KCTD1: variants seen among roughly 807,000 people sequenced by gnomAD.
The protein encoded by KCTD1 is potassium channel tetramerization domain containing 1, also known as BTB/POZ domain-containing protein KCTD1.
A neutral mutation model predicts 66.0 loss-of-function variants in KCTD1; 24 were observed. The ratio of observed to expected loss-of-function variants is 0.36; its 90% CI spans 0.26 to 0.51. The LOEUF (loss-of-function observed/expected upper bound fraction) is 0.51. Ranked by LOEUF, KCTD1 falls within the 20% of genes least tolerant of loss-of-function variation. KCTD1 has a pLI of 0.95. For missense variants in KCTD1, 943 were observed against 1,205.2 expected, an observed-to-expected ratio of 0.78 and a Z score of 3.22; for synonymous variants, 511 against 517.2, an observed-to-expected ratio of 0.99 and a Z score of 0.16.
upstream of KCTD1, among the ~76,000 whole-genome samples, chr18:26,551,519 C>G (rs1985566251): frequency 6.6e-6 from 1 of 152,008 alleles, no homozygotes; most frequent in African/African-American, 2.4e-5. Flanking sequence ...GAAAGGCTAC[C>G]AAAATGATCT....
intron 1 of KCTD1, among the ~76,000 whole-genome samples, chr18:26,527,233 T>C (rs1388468806): frequency 6.6e-6 from 1 of 152,266 alleles, no homozygotes; most frequent in East Asian, 1.9e-4. Context: ...AAAAAGCTTC[T>C]GCTGAAATGG....
intron 1 of KCTD1, among the ~76,000 whole-genome samples, chr18:26,542,265 T>C (rs1021409111): frequency 6.6e-6 from 1 of 152,196 alleles, no homozygotes; most frequent in African/African-American, 2.4e-5. Context: ...CCATATCCCC[T>C]TTTTTTGAAC....
upstream of KCTD1, chr18:26,548,790 T>G: frequency 7.3e-6 from 8 of 1,093,258 alleles, no homozygotes; most frequent in East Asian, 5.7e-5. Flanking sequence ...CCAGACCTTC[T>G]TCCTCCCCCA....
In KCTD1 at chr18:26,599,598, C is replaced by T. The variant is rs896174166; in HGVS notation, c.-16+29549G>A. The stretch of plus-strand genomic sequence containing the variant: ...GAATCCAGCTTTGACATTATTTTGT[C>T]GGGTTTAGTCCCGGGAAGCACCACT... On this transcript the variant is annotated intron_variant, in intron 1 of 4. Coordinates refer to the KCTD1 transcript ENST00000317932. The T allele has an allele frequency of 6.7e-5, 100 of 1,495,576 alleles. No homozygotes were observed. In the African/African-American group the frequency reaches 9.8e-4, roughly 15 times the overall value. The allele number at this position is 1,495,576 out of a possible 1,614,324, so 92.6% of individuals were successfully genotyped here.
intron 1 of KCTD1, among the ~76,000 whole-genome samples, chr18:26,623,206 C>T (rs1987427362): frequency 6.6e-6 from 1 of 152,192 alleles, no homozygotes; most frequent in South Asian, 2.1e-4. Context: ...CAAACTGCTG[C>T]CAACTGATGT....
At chr18:26,600,495 G>C (rs1051914244) in intron 1 of KCTD1, among the ~76,000 whole-genome samples, 2 of 152,074 alleles carry the variant, frequency 1.3e-5, no homozygotes, top group South Asian at 2.1e-4. Flanking sequence ...CTGGCTGGGG[G>C]GGGTGCAGTG....
chr18:26,569,571 C>G (rs1316801480), intron 1 of KCTD1, among the ~76,000 whole-genome samples: 3 of 151,506 alleles, frequency 2.0e-5, no homozygotes, highest in Non-Finnish European at 4.4e-5. Flanking sequence ...ACAAATCAGG[C>G]AGGTGGGGGG....
chr18:26,508,756 T>A (rs1384293391), intron 1 of KCTD1, among the ~76,000 whole-genome samples: 1 of 152,046 alleles, frequency 6.6e-6, no homozygotes, highest in Non-Finnish European at 1.5e-5. Flanking sequence ...GCACAACATC[T>A]GTATTATATG....
At chr18:26,528,087 TTC>T (rs1342917728) in intron 1 of KCTD1, among the ~76,000 whole-genome samples, 1 of 152,170 alleles carries the variant, frequency 6.6e-6, no homozygotes, top group African/African-American at 2.4e-5. Context: ...AACTCATTGG[TTC>T]TCTCTGTGGT....
intron 1 of KCTD1, among the ~76,000 whole-genome samples, chr18:26,590,770 C>A (rs1308066650): frequency 6.6e-6 from 1 of 152,046 alleles, no homozygotes; most frequent in African/African-American, 2.4e-5. Flanking sequence ...CTCCAGAAAT[C>A]TGGATGTATT....
At chr18:26,497,462 C>T (rs1295802484) in intron 2 of KCTD1, among the ~76,000 whole-genome samples, 1 of 152,040 alleles carries the variant, frequency 6.6e-6, no homozygotes, top group Non-Finnish European at 1.5e-5. Flanking sequence ...TTGGATTTAT[C>T]CAAGAGGGGT....
upstream of KCTD1, among the ~76,000 whole-genome samples, chr18:26,630,925 G>A (rs577777680): frequency 6.6e-6 from 1 of 152,304 alleles, no homozygotes; most frequent in African/African-American, 2.4e-5. Flanking sequence ...AAGCTCTTAA[G>A]TGAAAGTTTT....
intron 1 of KCTD1, among the ~76,000 whole-genome samples, chr18:26,554,120 GAA>G (rs1259740888): frequency 3.0e-5 from 4 of 131,742 alleles, no homozygotes; most frequent in Non-Finnish European, 5.1e-5. Flanking sequence ...GGGAAAGAAA[GAA>G]AAGAGAAAGA....
chr18:26,490,214 C>A (rs1982126087), intron 2 of KCTD1, among the ~76,000 whole-genome samples: 1 of 152,110 alleles, frequency 6.6e-6, no homozygotes, highest in Non-Finnish European at 1.5e-5. Context: ...GCTCAGGTGC[C>A]CTGACTTGGA....
chr18:26,571,414 TG>T (rs1425596206), intron 1 of KCTD1, among the ~76,000 whole-genome samples: 2 of 152,152 alleles, frequency 1.3e-5, no homozygotes, highest in Admixed American at 6.5e-5. Context: ...TGAGGGGCAC[TG>T]GTTTCAAGAT....
At chr18:26,603,851 A>C (rs1986954740) in intron 1 of KCTD1, among the ~76,000 whole-genome samples, 1 of 152,002 alleles carries the variant, frequency 6.6e-6, no homozygotes, top group African/African-American at 2.4e-5. Context: ...ACATTGGAAA[A>C]GGTATCTGAA....
chr18:26,478,627 G>T (rs1221365682), intron 2 of KCTD1, among the ~76,000 whole-genome samples: 1 of 152,136 alleles, frequency 6.6e-6, no homozygotes, highest in African/African-American at 2.4e-5. Context: ...ATGTACGCTT[G>T]CACAGAATGA....
At chr18:26,623,756 A>C (rs1987440351) in intron 1 of KCTD1, among the ~76,000 whole-genome samples, 1 of 152,224 alleles carries the variant, frequency 6.6e-6, no homozygotes, top group Non-Finnish European at 1.5e-5. Flanking sequence ...CTGAAATATG[A>C]AAGTGACTTT....
intron 1 of KCTD1, among the ~76,000 whole-genome samples, chr18:26,534,852 A>T (rs536776207): frequency 6.6e-6 from 1 of 152,230 alleles, no homozygotes; most frequent in African/African-American, 2.4e-5. Flanking sequence ...GTCCTTAACC[A>T]CTTACTTCTC....
Sources: gnomAD v4.1 joint callset for allele counts (sites outside exome capture counted in the v4.1 genomes callset) on GRCh38, gnomAD v4.1.1 for gene constraint, MANE v1.5 for transcripts, NCBI Gene and HGNC (gene_info 2026-07-23, HGNC 2026-07-21) for gene names.